ZNF423: variants seen among roughly 807,000 people sequenced by gnomAD.
ZNF423 encodes Ebf-associated zinc finger protein.
Under a neutral mutation model 95.8 loss-of-function variants are expected in ZNF423, and 12 were observed. The ratio of observed to expected loss-of-function variants is 0.13; its 90% confidence interval spans 0.08 to 0.20. The LOEUF (loss-of-function observed/expected upper bound fraction) is 0.20. Ranked by LOEUF, ZNF423 falls within the 10% of genes least tolerant of loss-of-function variation. The pLI is 1.00. For synonymous variants in ZNF423, 749 were observed against 711.9 expected (o/e 1.05, Z -0.83); for missense variants, 1,316 against 1,737.1 (o/e 0.76, Z 4.31).
chr16:49,666,081 C>T (rs868062727), intron 3 of ZNF423, among the ~76,000 whole-genome samples: 13 of 152,208 alleles, frequency 8.5e-5, no homozygotes, highest in South Asian at 2.1e-4. Context: ...GCGATCAAAA[C>T]GCAGCGAAGG....
At chr16:49,633,477 A>G (rs1212409967) in intron 4 of ZNF423, among the ~76,000 whole-genome samples, 1 of 152,222 alleles carries the variant, frequency 6.6e-6, no homozygotes, top group African/African-American at 2.4e-5. Context: ...CCCTAGATGC[A>G]GAGATGTCAG....
intron 2 of ZNF423, among the ~76,000 whole-genome samples, chr16:49,764,859 G>T (rs1489262746): frequency 4.0e-5 from 6 of 151,248 alleles, no homozygotes; most frequent in Non-Finnish European, 8.8e-5. Context: ...CAATTCTCCT[G>T]CCTCAGCCTC....
intron 2 of ZNF423, among the ~76,000 whole-genome samples, chr16:49,782,952 T>C (rs1221063227): frequency 6.8e-6 from 1 of 146,544 alleles, no homozygotes; most frequent in East Asian, 2.0e-4. Flanking sequence ...AGCAAGGCCC[T>C]GTCTCAATTA....
At chr16:49,639,813 C>T (rs1430486407) in intron 3 of ZNF423, among the ~76,000 whole-genome samples, 3 of 152,218 alleles carry the variant, frequency 2.0e-5, no homozygotes, top group Non-Finnish European at 2.9e-5. Context: ...CAACCCCCCT[C>T]GTTTGCTGGC....
intron 3 of ZNF423, among the ~76,000 whole-genome samples, chr16:49,714,790 T>C (rs1322885218): frequency 6.6e-6 from 1 of 151,238 alleles, no homozygotes; most frequent in African/African-American, 2.4e-5. Flanking sequence ...TAAAAATGGG[T>C]GGTCTGAAAT....
intron 2 of ZNF423, among the ~76,000 whole-genome samples, chr16:49,756,733 C>T (rs541733164): frequency 6.6e-6 from 1 of 152,150 alleles, no homozygotes; most frequent in South Asian, 2.1e-4. Context: ...CCAGGGCACA[C>T]GGGCAAAAAG....
chr16:49,784,517 G>A (rs1217403588), intron 2 of ZNF423, among the ~76,000 whole-genome samples: 3 of 152,174 alleles, frequency 2.0e-5, no homozygotes, highest in Non-Finnish European at 4.4e-5. Flanking sequence ...CCTAAAAAGG[G>A]GTGAAGGACA....
intron 7 of ZNF423, among the ~76,000 whole-genome samples, chr16:49,523,064 G>A (rs907310184): frequency 6.6e-6 from 1 of 152,164 alleles, no homozygotes; most frequent in Non-Finnish European, 1.5e-5. Context: ...GTTACCACAG[G>A]CTGGGGATGA....
chr16:49,813,225 T>C (rs552167717), intron 1 of ZNF423, among the ~76,000 whole-genome samples: 1 of 149,256 alleles, frequency 6.7e-6, no homozygotes, highest in South Asian at 2.2e-4. Flanking sequence ...TCTACCTTGG[T>C]GACTCCAACC....
At chr16:49,644,444 CA>C (rs1448360113) in intron 3 of ZNF423, among the ~76,000 whole-genome samples, 1 of 149,638 alleles carries the variant, frequency 6.7e-6, no homozygotes, top group Non-Finnish European at 1.5e-5. Context: ...CGTTTGAGGT[CA>C]GGAGTTTGAG....
intron 5 of ZNF423, among the ~76,000 whole-genome samples, chr16:49,526,601 C>A (rs1050455468): frequency 2.7e-4 from 41 of 152,286 alleles, no homozygotes; most frequent in Middle Eastern, 3.4e-3. Context: ...GCTTCCCGGG[C>A]TGCAGGAGGA....
rs1966868868 is a variant in ZNF423, at chr16:49,487,679, G to C, written c.*3596C>G. On this transcript the variant is annotated 3_prime_UTR_variant, in exon 8 of 8. Coordinates refer to ENST00000563137, the MANE Select transcript of ZNF423 (RefSeq NM_001379286.1). ...ATGGTATGATCTTGGACAAGATTCT[G>C]AACTTCTCTGGGATTGTTTTAAGCC... The C allele has an allele frequency of 6.6e-6, 1 of 152,206 alleles. No homozygotes were observed. Among genetic ancestry groups the C allele is most frequent in the Non-Finnish European group, 1.5e-5 (1 of 68,036 alleles). 9.4% of individuals were successfully genotyped at this position (152,206 alleles called of 1,614,324 possible). A position where few individuals can be genotyped will look rare whatever the true frequency, so the allele number is the denominator to read the frequency against.
At chr16:49,764,597 T>C (rs1222085815) in intron 2 of ZNF423, 3 of 151,836 alleles carry the variant, frequency 2.0e-5, no homozygotes, top group Admixed American at 2.0e-4. Context: ...TGAGAAGCCA[T>C]GCCACCAGCA....
At chr16:49,604,487 G>A (rs1018255454) in intron 5 of ZNF423, among the ~76,000 whole-genome samples, 1 of 152,108 alleles carries the variant, frequency 6.6e-6, no homozygotes, top group South Asian at 2.1e-4. Flanking sequence ...TGCAGTTTGA[G>A]AACCAGTGAT....
chr16:49,563,622 A>C (rs1173682086), intron 5 of ZNF423, among the ~76,000 whole-genome samples: 1 of 152,256 alleles, frequency 6.6e-6, no homozygotes, highest in Non-Finnish European at 1.5e-5. Context: ...GGCAGAGCCC[A>C]GACTCAAACC....
chr16:49,531,112 C>G (rs139264938), intron 5 of ZNF423, among the ~76,000 whole-genome samples: 1 of 152,130 alleles, frequency 6.6e-6, no homozygotes, highest in Admixed American at 6.5e-5. Flanking sequence ...CATGTGACAG[C>G]GTGGGACAGT....
At chr16:49,689,628 C>G (rs764697439) in intron 3 of ZNF423, among the ~76,000 whole-genome samples, 19 of 152,106 alleles carry the variant, frequency 1.2e-4, no homozygotes, top group Non-Finnish European at 2.2e-4. Context: ...CTCCACAACA[C>G]CCAGCCAGAG....
intron 2 of ZNF423, among the ~76,000 whole-genome samples, chr16:49,762,066 C>T (rs967393505): frequency 3.9e-5 from 6 of 152,210 alleles, no homozygotes; most frequent in Non-Finnish European, 7.3e-5. Context: ...CCCACCTCAG[C>T]ATCCCAAAGT....
Position 49,696,586 on chromosome 16 carries a change from C to T in ZNF423, c.301+34185G>A, listed in dbSNP as rs75161798. 6.3e-3 allele frequency among the ~76,000 whole-genome samples: 964 copies of T among 152,278 alleles called. 13 individuals carry two copies. The highest frequency in any genetic ancestry group is 0.022 in the African/African-American group (934 of 41,562). On this transcript the variant is annotated intron_variant, in intron 3 of 7. Transcript: ENST00000563137. ...CTCTCCCCTAGCCCCTTTGAAGTGC[C>T]CAGCATGGGGTGGGCTGGAAGGAAA...
Sources: gnomAD v4.1 joint callset for allele counts (sites outside exome capture counted in the v4.1 genomes callset) on GRCh38, gnomAD v4.1.1 for gene constraint, MANE v1.5 for transcripts, NCBI Gene and HGNC (gene_info 2026-07-23, HGNC 2026-07-21) for gene names.